The following SLC60A1 variants were observed in gnomAD, a reference collection of about 807,000 sequenced individuals.
SLC60A1 encodes the protein major facilitator superfamily domain containing 4.
At chr1:205,571,131 A>G in the SLC60A1 span, among the ~76,000 whole-genome samples, 2 of 152,248 alleles carry the variant, frequency 1.3e-5, no homozygotes, top group Non-Finnish European at 2.9e-5. Flanking sequence ...GCCAGGCACT[A>G]TTCATAGTAC....
chr1:205,602,327 T>C, the SLC60A1 span: 1 of 152,642 alleles, frequency 6.6e-6, no homozygotes, highest in Non-Finnish European at 1.5e-5. Flanking sequence ...AGAATCTGGC[T>C]GGAAAGAGAA....
the SLC60A1 span, chr1:205,584,924 C>A: frequency 6.2e-7 from 1 of 1,614,092 alleles, no homozygotes; most frequent in Non-Finnish European, 8.5e-7. Context: ...CTCAGAGGAG[C>A]CCCTTATTCC....
the SLC60A1 span, chr1:205,600,476 G>A: frequency 6.2e-7 from 1 of 1,613,640 alleles, no homozygotes; most frequent in East Asian, 2.2e-5. Flanking sequence ...GGGTGAAGAA[G>A]GCAAGAGAAG....
the SLC60A1 span, among the ~76,000 whole-genome samples, chr1:205,577,737 C>T: frequency 6.6e-6 from 1 of 152,150 alleles, no homozygotes; most frequent in African/African-American, 2.4e-5. This position sits in a 1 kb window ranked among gnomAD's most constrained non-coding sequence, Gnocchi z 5.2. Flanking sequence ...ACACATGCAC[C>T]CACATGTGCA....
the SLC60A1 span, chr1:205,569,279 C>A: frequency 3.9e-6 from 6 of 1,545,168 alleles, no homozygotes; most frequent in Non-Finnish European, 5.2e-6. Flanking sequence ...GCAGCGCCCT[C>A]GGGGGCGTCT....
chr1:205,594,701 A>G, the SLC60A1 span, among the ~76,000 whole-genome samples: 3 of 152,036 alleles, frequency 2.0e-5, no homozygotes, highest in Non-Finnish European at 4.4e-5. Context: ...ATGATCACTC[A>G]AATCCATCAT....
the SLC60A1 span, among the ~76,000 whole-genome samples, chr1:205,579,080 C>G: frequency 1.1e-4 from 16 of 152,200 alleles, no homozygotes; most frequent in African/African-American, 3.9e-4. Context: ...AAGATCAACA[C>G]GGTCACCTTT....
chr1:205,594,144 C>A, the SLC60A1 span, among the ~76,000 whole-genome samples: 1 of 152,158 alleles, frequency 6.6e-6, no homozygotes, highest in Non-Finnish European at 1.5e-5. Context: ...CGGGACATGG[C>A]CAAGGAAACA....
At chr1:205,593,267 G>A in the SLC60A1 span, among the ~76,000 whole-genome samples, 2 of 151,802 alleles carry the variant, frequency 1.3e-5, no homozygotes, top group Non-Finnish European at 2.9e-5. Flanking sequence ...TCAGGAGATC[G>A]AGACCATCCT....
chr1:205,589,151 A>C, the SLC60A1 span, among the ~76,000 whole-genome samples: 1 of 152,192 alleles, frequency 6.6e-6, no homozygotes, highest in South Asian at 2.1e-4. Context: ...AGCCAGGTGG[A>C]AGAAGAGGAG....
At chr1:205,596,921 G>C in the SLC60A1 span, among the ~76,000 whole-genome samples, 1 of 152,208 alleles carries the variant, frequency 6.6e-6, no homozygotes, top group Non-Finnish European at 1.5e-5. Flanking sequence ...AGGCAACCAA[G>C]GCCTAGAGAG....
the SLC60A1 span, among the ~76,000 whole-genome samples, chr1:205,596,797 G>A: frequency 3.3e-5 from 5 of 152,100 alleles, no homozygotes; most frequent in South Asian, 1.0e-3. Flanking sequence ...AGAGAGTTGG[G>A]CTGGTTTTGA....
chr1:205,586,782 TG>T, the SLC60A1 span, among the ~76,000 whole-genome samples: 1 of 151,892 alleles, frequency 6.6e-6, no homozygotes, highest in Non-Finnish European at 1.5e-5. Context: ...CTGCAACCTC[TG>T]TCTCCCAGGT....
chr1:205,569,759 T>C, the SLC60A1 span, among the ~76,000 whole-genome samples: 3 of 152,098 alleles, frequency 2.0e-5, no homozygotes, highest in Non-Finnish European at 4.4e-5. Context: ...GGGCCAGCTC[T>C]GTGGCGGTGC....
chr1:205,599,246 C>T, the SLC60A1 span: 1 of 1,613,846 alleles, frequency 6.2e-7, no homozygotes, highest in African/African-American at 1.3e-5. Flanking sequence ...CCTGGACTCC[C>T]ATCAGGTAAG....
the SLC60A1 span, chr1:205,599,104 GTCTC>G: frequency 1.1e-5 from 17 of 1,612,836 alleles, no homozygotes; most frequent in Non-Finnish European, 1.4e-5. Context: ...TTAATTGTCT[GTCTC>G]TCTGTGTTTT....
the SLC60A1 span, chr1:205,598,735 A>G: frequency 5.6e-6 from 1 of 179,382 alleles, no homozygotes; most frequent in Non-Finnish European, 1.2e-5. Context: ...AGCTCCATAT[A>G]CTACTTTAAC....
At chr1:205,580,631 C>T in the SLC60A1 span, 3 of 1,585,520 alleles carry the variant, frequency 1.9e-6, no homozygotes, top group South Asian at 2.2e-5. This position sits in a 1 kb window ranked among gnomAD's most constrained non-coding sequence, Gnocchi z 5.0. Context: ...TGACCCCCAC[C>T]CCCACCCGCC....
chr1:205,601,048 G>A, the SLC60A1 span: 2 of 152,212 alleles, frequency 1.3e-5, no homozygotes, highest in African/African-American at 4.8e-5. Flanking sequence ...GTAGTGGTAT[G>A]CTAAGCTGGC....
Sources: allele counts gnomAD v4.1 joint callset (sites outside exome capture counted in the v4.1 genomes callset), GRCh38; gene constraint gnomAD v4.1.1; non-coding constraint Gnocchi (gnomAD v3.1); transcripts MANE v1.5; gene names NCBI Gene and HGNC (gene_info 2026-07-23, HGNC 2026-07-21).